Variants in BIRC6 observed in about 807,000 individuals in gnomAD.
BIRC6 encodes baculoviral IAP repeat containing 6.
In BIRC6, 98 loss-of-function variants were observed where a neutral mutation model predicts 503.3. The ratio of observed to expected loss-of-function variants is 0.19; its 90% CI spans 0.17 to 0.23. The LOEUF (loss-of-function observed/expected upper bound fraction) is 0.23, where lower values mean the gene tolerates loss of function less well. BIRC6 is among the 10% of genes least tolerant of loss of function. BIRC6 has a pLI of 1.00. For missense variants in BIRC6, 5,360 were observed against 5,806.0 expected, an observed-to-expected ratio of 0.92 and a Z score of 2.50; for synonymous variants, 2,240 against 2,078.7, an observed-to-expected ratio of 1.08 and a Z score of -2.11.
intron 22 of BIRC6, among the ~76,000 whole-genome samples, chr2:32,453,127 A>G (rs1273016262): frequency 6.6e-6 from 1 of 151,276 alleles, no homozygotes; most frequent in African/African-American, 2.4e-5. Context: ...CCCAAGCTGC[A>G]TACGCAGTCC....
intron 65 of BIRC6, chr2:32,563,722 A>G (rs2059348429): frequency 6.6e-6 from 1 of 152,146 alleles, no homozygotes. Flanking sequence ...TATTATAGTC[A>G]CAAATGTGTA....
chr2:32,459,845 TAATC>T (rs1255475743), intron 23 of BIRC6, among the ~76,000 whole-genome samples: 1 of 151,826 alleles, frequency 6.6e-6, no homozygotes, highest in East Asian at 1.9e-4. Context: ...ATCTTCCTCT[TAATC>T]ATTCCATTCA....
At chr2:32,409,325 T>C (rs747739969) in intron 9 of BIRC6, among the ~76,000 whole-genome samples, 5 of 151,832 alleles carry the variant, frequency 3.3e-5, no homozygotes, top group Non-Finnish European at 7.4e-5. Flanking sequence ...ACACCTAATT[T>C]TTGTATTTTT....
intron 10 of BIRC6, among the ~76,000 whole-genome samples, chr2:32,424,034 T>G (rs2043213382): frequency 6.6e-6 from 1 of 152,190 alleles, no homozygotes; most frequent in African/African-American, 2.4e-5. Context: ...TGAAGCCGTT[T>G]TGAAGTTTTT....
chr2:32,517,294 A>G (rs2055156564), intron 55 of BIRC6, among the ~76,000 whole-genome samples: 2 of 152,212 alleles, frequency 1.3e-5, no homozygotes, highest in South Asian at 4.2e-4. Flanking sequence ...GTGAGCTGAG[A>G]TCACACCACT....
rs905107158 is a variant in BIRC6, at chr2:32,611,512, C to T, written c.14324C>T (p.Ala4775Val). 1.9e-5 allele frequency: 31 copies of T among 1,610,224 alleles called. No homozygotes were observed. In the Admixed American group the frequency reaches 4.2e-4, roughly 22 times the overall value. ...EIMAQCEEWI[A>V]DIQQYSSDKR... ...ATGGCCCAATGTGAGGAGTGGATTG[C>T]GGATATCCAGCAGTACAGCAGTGAT... The change falls in exon 73 of 74, where the codon GCG (alanine) becomes GTG (valine). Residue 4775 changes from alanine to valine, a missense_variant. Physicochemically the swap from Ala to Val is moderately conservative, Grantham distance 64. Around this residue, in one of 16 missense-constraint regions of BIRC6, gnomAD observed 140 missense variants for 130.2 expected, o/e 1.07. Coordinates refer to ENST00000421745, the MANE Select transcript of BIRC6 (RefSeq NM_016252.4).
rs192556333 is a variant in BIRC6 at position 32,359,645 on chromosome 2, G to A, written c.325+2159G>A. Among the ~76,000 whole-genome samples the A allele has an allele frequency of 1.6e-4, 24 of 152,262 alleles. No homozygotes were observed. The East Asian group carries it at 3.9e-3, about 24-fold the overall frequency. On this transcript the variant is annotated intron_variant, in intron 1 of 73. Transcript: ENST00000421745. ...TAGAAGGGTTTATAGTGAACGGAAT[G>A]AAGGATTACAGAAAAAATTTGGAAG...
In BIRC6 at chr2:32,535,230, T is replaced by C. The variant is rs188168216; in HGVS notation, c.12291+3679T>C. Among the ~76,000 whole-genome samples, 918 of 151,472 alleles carry C rather than the reference T, an allele frequency of 6.1e-3. 7 individuals carry two copies. The highest frequency in any genetic ancestry group is 9.3e-3 in the Non-Finnish European group (629 of 67,914). On this transcript the variant is annotated intron_variant, in intron 61 of 73. Coordinates refer to ENST00000421745, the MANE Select transcript of BIRC6 (RefSeq NM_016252.4). ...AGCTATAAAGAAAATGACCTATATT[T>C]TCAAAACAGCAGCAATAACACTAAC...
chr2:32,499,786 C>A lies in BIRC6; in HGVS notation c.8708C>A (p.Pro2903Gln), dbSNP rs192943089. Residue 2903 changes from proline to glutamine, a missense_variant, in exon 46 of 74, where the codon CCG becomes CAG. Physicochemically the swap from Pro to Gln is moderately conservative, Grantham distance 76 (BLOSUM62 -1). Around this residue, in one of 16 missense-constraint regions of BIRC6, gnomAD observed 2,299 missense variants for 2,267.2 expected, o/e 1.01. Coordinates refer to ENST00000421745, the MANE Select transcript of BIRC6 (RefSeq NM_016252.4). ...FGGLFANLIR[P>Q]GDAKAVCGEM... The stretch of plus-strand genomic sequence containing the variant: ...GGACTCTTTGCCAATCTTATTCGTC[C>A]GGGTGATGCAAAAGCAGTTTGTGGC... The A allele has an allele frequency of 6.2e-7, 1 of 1,613,932 alleles. No individual in the cohort carries two copies. The highest frequency in any genetic ancestry group is 1.7e-5 in the Admixed American group (1 of 60,014).
chr2:32,367,816 C>A (rs760373397), intron 1 of BIRC6, among the ~76,000 whole-genome samples: 9 of 152,210 alleles, frequency 5.9e-5, no homozygotes, highest in Non-Finnish European at 1.2e-4. Context: ...GACTGTCTCC[C>A]TGCTGCCCCC....
Position 32,524,886 on chromosome 2 carries a change from A to G in BIRC6, c.11624-2A>G. On this transcript the variant is annotated splice_acceptor_variant, in intron 57 of 73. Transcript: ENST00000421745. LOFTEE classifies it high-confidence loss of function. ...TGTATTTTAGATAATATCTTCTTACAGATACTCCAAGTATCACAGCTAAAT... is the reference window on the plus strand; with the variant it reads ...TGTATTTTAGATAATATCTTCTTACGGATACTCCAAGTATCACAGCTAAAT... 6.9e-7 allele frequency: 1 copy of G among 1,440,668 alleles called. No individual in the cohort carries two copies. Among genetic ancestry groups the G allele is most frequent in the South Asian group, 1.4e-5 (1 of 71,328 alleles). 89.2% of individuals were successfully genotyped at this position (1,440,668 alleles called of 1,614,324 possible).
chr2:32,373,939 G>A (rs2036342079), intron 1 of BIRC6, among the ~76,000 whole-genome samples: 1 of 152,184 alleles, frequency 6.6e-6, no homozygotes, highest in African/African-American at 2.4e-5. Context: ...AGGGAAATAA[G>A]CCAGTCACAA....
chr2:32,428,837 C>A (rs757367830), intron 10 of BIRC6, among the ~76,000 whole-genome samples: 1 of 152,200 alleles, frequency 6.6e-6, no homozygotes, highest in Non-Finnish European at 1.5e-5. Flanking sequence ...ATAGTTCTAC[C>A]ACAAGGGTTT....
chr2:32,402,672 A>G (rs78111477), intron 8 of BIRC6, among the ~76,000 whole-genome samples: 4,003 of 152,258 alleles, frequency 0.026, 175 homozygotes, highest in African/African-American at 0.093. Flanking sequence ...CTTAATGGGA[A>G]AGCAGCTTAA....
At position 32,369,335 on chromosome 2, in the gene BIRC6, G is replaced by T. The variant is rs995410001; in HGVS notation, c.326-8253G>T. Among the ~76,000 whole-genome samples, 56 of 151,952 alleles carry T rather than the reference G, an allele frequency of 3.7e-4. 1 individual carries two copies. The highest frequency in any genetic ancestry group is 1.3e-3 in the African/African-American group (52 of 41,358). On this transcript the variant is annotated intron_variant, in intron 1 of 73. Transcript: ENST00000421745. ...AAATATGAGCTCTAAATAGAAATTC[G>T]CAAGGGCACATGTTCCAAACCGTAG...
intron 71 of BIRC6, among the ~76,000 whole-genome samples, chr2:32,604,983 A>G (rs1051767746): frequency 6.6e-6 from 1 of 150,988 alleles, no homozygotes; most frequent in Non-Finnish European, 1.5e-5. Context: ...CTCGGGTTCA[A>G]GCTGTGTTTC....
At chr2:32,479,153 CATAAGGATA>C in intron 36 of BIRC6, among the ~76,000 whole-genome samples, 1 of 152,138 alleles carries the variant, frequency 6.6e-6, no homozygotes, top group Non-Finnish European at 1.5e-5. Flanking sequence ...TCATATATAA[CATAAGGATA>C]ATAAGGATAA....
At chr2:32,428,879 C>G (rs1199338972) in intron 10 of BIRC6, among the ~76,000 whole-genome samples, 1 of 152,102 alleles carries the variant, frequency 6.6e-6, no homozygotes, top group Non-Finnish European at 1.5e-5. Flanking sequence ...AATTAAAGCA[C>G]TTAAAATACT....
At chr2:32,516,800 A>G (rs1484889718) in intron 55 of BIRC6, among the ~76,000 whole-genome samples, 1 of 152,102 alleles carries the variant, frequency 6.6e-6, no homozygotes, top group Non-Finnish European at 1.5e-5. Flanking sequence ...CCTTGGGCAT[A>G]TTGGTTAATC....
Sources: gnomAD v4.1 joint callset for allele counts (sites outside exome capture counted in the v4.1 genomes callset) on GRCh38, gnomAD v4.1.1 for gene constraint, gnomAD v4.1.1 regional missense constraint, MANE v1.5 for transcripts, NCBI Gene and HGNC (gene_info 2026-07-23, HGNC 2026-07-21) for gene names.